CACNA2D3: variants seen among roughly 807,000 people sequenced by gnomAD.
CACNA2D3 encodes the protein voltage-dependent calcium channel subunit alpha-2/delta-3.
A neutral mutation model predicts 160.6 loss-of-function variants in CACNA2D3; 60 were observed. The observed-to-expected ratio is 0.37, with a 90% confidence interval of 0.30 to 0.46. The LOEUF (loss-of-function observed/expected upper bound fraction) is 0.46, where lower values mean the gene tolerates loss of function less well. Ranked by LOEUF, CACNA2D3 falls within the 20% of genes least tolerant of loss-of-function variation. The pLI is 1.00. For missense variants in CACNA2D3, 1,205 were observed against 1,365.0 expected (o/e 0.88, Z 1.85); for synonymous variants, 558 against 492.9 (o/e 1.13, Z -1.75).
rs1702115783 is a variant in CACNA2D3, at chr3:54,763,223, A to T, written c.1247-995A>T. On this transcript the variant is annotated intron_variant, in intron 12 of 37. Transcript: ENST00000474759. The stretch of plus-strand genomic sequence containing the variant: ...AAGGGCAAAATTCAGTAGAAGTAAA[A>T]GGGACAAATTAAGAGACTTACAAAC... Among the ~76,000 whole-genome samples the T allele has an allele frequency of 2.0e-5, 3 of 152,156 alleles. No individual in the cohort carries two copies. The South Asian group carries it at 6.2e-4, about 32-fold the overall frequency.
chr3:54,316,196 T>A (rs988958271), intron 2 of CACNA2D3, among the ~76,000 whole-genome samples: 4 of 152,198 alleles, frequency 2.6e-5, no homozygotes, highest in African/African-American at 9.6e-5. Flanking sequence ...TTGGGATGGC[T>A]ATGTGAAATT....
At chr3:54,955,008 A>G (rs1300407158) in intron 27 of CACNA2D3, among the ~76,000 whole-genome samples, 1 of 152,214 alleles carries the variant, frequency 6.6e-6, no homozygotes, top group Admixed American at 6.5e-5. Flanking sequence ...TGAGAGGTGT[A>G]GAGAAAACTT....
intron 11 of CACNA2D3, among the ~76,000 whole-genome samples, chr3:54,672,590 A>G (rs534060876): frequency 6.6e-6 from 1 of 152,356 alleles, no homozygotes; most frequent in Admixed American, 6.5e-5. Flanking sequence ...GCTATTGTGG[A>G]CCTGAACACG....
At chr3:54,177,913 T>C (rs1417946845) in intron 2 of CACNA2D3, 1 of 152,188 alleles carries the variant, frequency 6.6e-6, no homozygotes, top group Admixed American at 6.5e-5. Flanking sequence ...GGATAATTTT[T>C]TAAGAAGGAT....
intron 14 of CACNA2D3, among the ~76,000 whole-genome samples, chr3:54,823,338 A>G (rs932816310): frequency 6.7e-6 from 1 of 150,038 alleles, no homozygotes; most frequent in Non-Finnish European, 1.5e-5. Context: ...TTATTCAGGA[A>G]AAAAACAAAG....
chr3:54,555,123 A>G (rs2106693000), intron 5 of CACNA2D3, among the ~76,000 whole-genome samples: 1 of 151,822 alleles, frequency 6.6e-6, no homozygotes, highest in African/African-American at 2.4e-5. Flanking sequence ...TAATCCACCC[A>G]CCTTGACCTC....
At chr3:54,761,484 G>A (rs1403942133) in intron 12 of CACNA2D3, among the ~76,000 whole-genome samples, 2 of 152,206 alleles carry the variant, frequency 1.3e-5, no homozygotes, top group East Asian at 1.9e-4. Context: ...GATGATAACT[G>A]TGTATGTGGC....
At chr3:55,011,602 A>C (rs1253441637) in intron 34 of CACNA2D3, among the ~76,000 whole-genome samples, 1 of 152,218 alleles carries the variant, frequency 6.6e-6, no homozygotes, top group African/African-American at 2.4e-5. Context: ...AAAACAAGAC[A>C]AAACCCAGGA....
At chr3:54,374,711 T>G (rs1698980186) in intron 3 of CACNA2D3, among the ~76,000 whole-genome samples, 2 of 152,138 alleles carry the variant, frequency 1.3e-5, no homozygotes, top group Admixed American at 6.5e-5. Flanking sequence ...AAAAAGTAAT[T>G]ACCTTTGCAC....
chr3:54,458,274 A>G (rs965944321), intron 4 of CACNA2D3, among the ~76,000 whole-genome samples: 10 of 151,932 alleles, frequency 6.6e-5, no homozygotes, highest in Non-Finnish European at 1.3e-4. Context: ...TTGTAGTTTC[A>G]TGTGTTTTCA....
chr3:54,467,352 C>T (rs2106863427), intron 4 of CACNA2D3, among the ~76,000 whole-genome samples: 1 of 152,270 alleles, frequency 6.6e-6, no homozygotes, highest in South Asian at 2.1e-4. Context: ...TCAATGCTGC[C>T]TGAACCCACT....
intron 14 of CACNA2D3, among the ~76,000 whole-genome samples, chr3:54,819,987 A>G (rs1049444359): frequency 1.3e-5 from 2 of 152,136 alleles, no homozygotes; most frequent in Non-Finnish European, 2.9e-5. Flanking sequence ...GTTTCTTCCT[A>G]ATGCCTTTGA....
intron 27 of CACNA2D3, among the ~76,000 whole-genome samples, chr3:54,936,040 G>A (rs1159816964): frequency 6.6e-6 from 1 of 152,066 alleles, no homozygotes; most frequent in East Asian, 1.9e-4. Context: ...AACATTTACT[G>A]GCTGTGTGGC....
chr3:54,241,773 C>T (rs942895615), intron 2 of CACNA2D3, among the ~76,000 whole-genome samples: 3 of 152,200 alleles, frequency 2.0e-5, no homozygotes, highest in African/African-American at 7.2e-5. Context: ...AGTCACCCAG[C>T]TTCCAGTGCT....
intron 27 of CACNA2D3, among the ~76,000 whole-genome samples, chr3:54,904,865 G>A (rs752872529): frequency 2.6e-5 from 4 of 152,156 alleles, no homozygotes; most frequent in Non-Finnish European, 4.4e-5. Context: ...CCATACTATA[G>A]TAATATGATA....
intron 11 of CACNA2D3, among the ~76,000 whole-genome samples, chr3:54,723,040 T>C (rs1332926369): frequency 6.6e-6 from 1 of 152,204 alleles, no homozygotes; most frequent in African/African-American, 2.4e-5. Flanking sequence ...ATGGGAGTTT[T>C]ATCTATAAGT....
At chr3:54,780,585 G>A (rs542541523) in intron 13 of CACNA2D3, among the ~76,000 whole-genome samples, 4 of 152,258 alleles carry the variant, frequency 2.6e-5, no homozygotes, top group African/African-American at 9.6e-5. Flanking sequence ...AAACATGCAG[G>A]TCCATGAAGC....
At chr3:54,830,767 G>T (rs1047783168) in intron 14 of CACNA2D3, among the ~76,000 whole-genome samples, 1 of 151,996 alleles carries the variant, frequency 6.6e-6, no homozygotes, top group Non-Finnish European at 1.5e-5. Flanking sequence ...GTGAGTCACC[G>T]CACCTGGCCC....
intron 13 of CACNA2D3, among the ~76,000 whole-genome samples, chr3:54,777,679 C>T (rs971992289): frequency 2.6e-5 from 4 of 152,146 alleles, no homozygotes; most frequent in African/African-American, 9.7e-5. Context: ...GAGTACTCAT[C>T]CTATAGTCTG....
Sources: allele counts gnomAD v4.1 joint callset (sites outside exome capture counted in the v4.1 genomes callset), GRCh38; gene constraint gnomAD v4.1.1; transcripts MANE v1.5; gene names NCBI Gene and HGNC (gene_info 2026-07-23, HGNC 2026-07-21).